The following PHTF2 variants were observed in gnomAD, a reference collection of about 807,000 sequenced individuals.
PHTF2 encodes protein PHTF2.
In PHTF2, 60 loss-of-function variants were observed where a neutral mutation model predicts 101.2. The observed-to-expected ratio is 0.59, with a 90% CI of 0.48 to 0.73. PHTF2 has a LOEUF of 0.73. Ranked by LOEUF, PHTF2 falls within the 30% of genes least tolerant of loss-of-function variation. The pLI, the probability that PHTF2 is intolerant of heterozygous loss-of-function variation, is 0.00. For synonymous variants in PHTF2, 311 were observed against 307.3 expected, an observed-to-expected ratio of 1.01 and a Z score of -0.13; for missense variants, 747 against 908.7, an observed-to-expected ratio of 0.82 and a Z score of 2.29.
At chr7:77,830,594 AGTCTAATGCCTGATT>A (rs1319997180) in intron 1 of PHTF2, among the ~76,000 whole-genome samples, 1 of 152,168 alleles carries the variant, frequency 6.6e-6, no homozygotes, top group Non-Finnish European at 1.5e-5. Flanking sequence ...TTCTTATGAG[AGTCTAATGCCTGATT>A]GTCTGAGGTG....
intron 10 of PHTF2, among the ~76,000 whole-genome samples, chr7:77,922,105 C>G (rs1043182462): frequency 2.0e-5 from 3 of 149,076 alleles, no homozygotes; most frequent in Non-Finnish European, 3.0e-5. Context: ...TCACTGCAGC[C>G]TAAAACTCCT....
intron 3 of PHTF2, among the ~76,000 whole-genome samples, chr7:77,888,889 C>T (rs1287841916): frequency 2.6e-5 from 4 of 151,356 alleles, no homozygotes; most frequent in African/African-American, 9.7e-5. Context: ...GATACAGTAA[C>T]AATAATATAA....
At chr7:77,924,233 A>G (rs1378109810) in intron 11 of PHTF2, 1 of 593,994 alleles carries the variant, frequency 1.7e-6, no homozygotes, top group East Asian at 1.4e-4. Context: ...AATTTATTTT[A>G]TAAATTACTG....
At chr7:77,852,579 C>T (rs549471943) in intron 2 of PHTF2, among the ~76,000 whole-genome samples, 3 of 152,232 alleles carry the variant, frequency 2.0e-5, no homozygotes, top group East Asian at 1.9e-4. Context: ...AGTTTTAATA[C>T]GTTCATCTTT....
chr7:77,881,520 G>GT (rs10713124), intron 3 of PHTF2, among the ~76,000 whole-genome samples: 45 of 136,274 alleles, frequency 3.3e-4, no homozygotes, highest in South Asian at 7.5e-4. Context: ...GGCTGGTTTT[G>GT]TTTTTTTTTT....
At chr7:77,868,634 T>C (rs1798270666) in intron 3 of PHTF2, among the ~76,000 whole-genome samples, 1 of 152,206 alleles carries the variant, frequency 6.6e-6, no homozygotes, top group South Asian at 2.1e-4. Flanking sequence ...TGAAACGGTT[T>C]CTGCTACTAA....
At chr7:77,936,813 A>C (rs1186116987) in intron 12 of PHTF2, among the ~76,000 whole-genome samples, 1 of 151,482 alleles carries the variant, frequency 6.6e-6, no homozygotes, top group Non-Finnish European at 1.5e-5. Context: ...ATAAAGGTTT[A>C]GTGTTTCATT....
exon 17 of PHTF2, chr7:77,949,690 C>A: frequency 6.4e-7 from 1 of 1,567,110 alleles, no homozygotes; most frequent in Non-Finnish European, 8.7e-7. Context: ...ACTTCATGTA[C>A]ACGAGATCTT....
chr7:77,835,958 A>T, intron 1 of PHTF2, among the ~76,000 whole-genome samples: 1 of 151,944 alleles, frequency 6.6e-6, no homozygotes, highest in East Asian at 1.9e-4. Context: ...TGTCTCTACT[A>T]AAATTACAAA....
intron 9 of PHTF2, among the ~76,000 whole-genome samples, chr7:77,914,340 A>G (rs848477): frequency 1 from 151,664 of 152,310 alleles, 75,511 homozygotes; most frequent in East Asian, 1. Context: ...GATATGCAAT[A>G]TTTTTACAAG....
chr7:77,907,442 G>GT (rs932086260), intron 7 of PHTF2, among the ~76,000 whole-genome samples: 2 of 152,004 alleles, frequency 1.3e-5, no homozygotes, highest in Admixed American at 6.6e-5. Flanking sequence ...CAAGAAGTTG[G>GT]TTTTTTTGGT....
intron 9 of PHTF2, among the ~76,000 whole-genome samples, chr7:77,915,453 C>T (rs1316053445): frequency 6.6e-6 from 1 of 152,130 alleles, no homozygotes; most frequent in African/African-American, 2.4e-5. Context: ...CCTCACGATC[C>T]GCCCACCTCG....
chr7:77,940,337 T>G, intron 14 of PHTF2, 35 bp downstream of exon 13: 1 of 1,522,154 alleles, frequency 6.6e-7, no homozygotes. Flanking sequence ...TAAGAATATT[T>G]TATCGTTTTC....
At chr7:77,853,683 C>T (rs1452653310) in intron 2 of PHTF2, among the ~76,000 whole-genome samples, 1 of 151,958 alleles carries the variant, frequency 6.6e-6, no homozygotes, top group Non-Finnish European at 1.5e-5. Context: ...TATGAGCCAC[C>T]GTGCCTGGCC....
At chr7:77,938,787 TAAATA>T (rs1344334878) in intron 13 of PHTF2, among the ~76,000 whole-genome samples, 1 of 152,100 alleles carries the variant, frequency 6.6e-6, no homozygotes, top group East Asian at 1.9e-4. Flanking sequence ...AAAAAATAAA[TAAATA>T]AAAATAAAAT....
At chr7:77,887,426 GT>G (rs887418639) in intron 3 of PHTF2, among the ~76,000 whole-genome samples, 3 of 146,638 alleles carry the variant, frequency 2.0e-5, no homozygotes, top group South Asian at 2.1e-4. Context: ...TATTGTTGTT[GT>G]TTTTTTTTAA....
chr7:77,867,803 ATAAAG>A (rs1798188664), intron 3 of PHTF2, among the ~76,000 whole-genome samples: 1 of 152,216 alleles, frequency 6.6e-6, no homozygotes, highest in African/African-American at 2.4e-5. Context: ...AGACAGTGTA[ATAAAG>A]TAAATACTTA....
intron 12 of PHTF2, 59 bp from the exon 12 acceptor site, chr7:77,937,651 C>T (rs1473919555): frequency 1.6e-6 from 1 of 606,186 alleles, no homozygotes; most frequent in Non-Finnish European, 2.5e-6. Context: ...ACTTTATATA[C>T]ACACATTTTA....
intron 10 of PHTF2, among the ~76,000 whole-genome samples, chr7:77,921,486 T>G (rs1803454013): frequency 6.6e-6 from 1 of 152,166 alleles, no homozygotes; most frequent in Non-Finnish European, 1.5e-5. Flanking sequence ...TTAAGGAAAA[T>G]AAAGAAAAGA....
Sources: gnomAD v4.1 joint callset for allele counts (sites outside exome capture counted in the v4.1 genomes callset) on GRCh38, gnomAD v4.1.1 for gene constraint, MANE v1.5 for transcripts, NCBI Gene and HGNC (gene_info 2026-07-23, HGNC 2026-07-21) for gene names.